The following WWOX variants were observed in gnomAD, a reference collection of about 807,000 sequenced individuals.
WWOX encodes the protein WW domain-containing oxidoreductase.
A neutral mutation model predicts 46.2 loss-of-function variants in WWOX; 69 were observed. That is an observed-to-expected ratio of 1.49 (90% CI 1.23 to 1.82). The LOEUF is 1.82. Among genes scored for constraint, WWOX ranks in the 40% most tolerant of loss-of-function variants. The pLI, the probability that WWOX is intolerant of heterozygous loss-of-function variation, is 0.00. For missense variants in WWOX, 919 were observed against 542.6 expected, an observed-to-expected ratio of 1.69 and a Z score of -6.89; for synonymous variants, 359 against 202.6, an observed-to-expected ratio of 1.77 and a Z score of -6.56.
intron 8 of WWOX, among the ~76,000 whole-genome samples, chr16:78,607,069 A>T (rs1380173635): frequency 6.6e-6 from 1 of 152,206 alleles, no homozygotes; most frequent in Non-Finnish European, 1.5e-5. Flanking sequence ...ATGGTGGCCA[A>T]GGGGCTGTGG....
intron 6 of WWOX, among the ~76,000 whole-genome samples, chr16:78,417,767 A>G (rs1178157141): frequency 1.3e-5 from 2 of 152,280 alleles, no homozygotes; most frequent in Non-Finnish European, 2.9e-5. Flanking sequence ...ATTTCTGCCT[A>G]TCTCTTCACA....
chr16:78,774,630 C>G (rs965679892), intron 8 of WWOX, among the ~76,000 whole-genome samples: 11 of 152,006 alleles, frequency 7.2e-5, no homozygotes, highest in African/African-American at 1.9e-4. Context: ...TGGCGTTGTT[C>G]TTAACCATGA....
At chr16:78,364,470 A>T (rs967506352) in intron 5 of WWOX, among the ~76,000 whole-genome samples, 3 of 26,218 alleles carry the variant, frequency 1.1e-4, no homozygotes, top group African/African-American at 1.3e-4. Flanking sequence ...GGTGCCCGGA[A>T]TATCTGATCT....
chr16:78,697,809 A>C (rs768821976), intron 8 of WWOX, among the ~76,000 whole-genome samples: 5 of 152,126 alleles, frequency 3.3e-5, no homozygotes, highest in Non-Finnish European at 5.9e-5. Flanking sequence ...TCCCATCCTA[A>C]GTTGAGGAGC....
Position 78,522,341 on chromosome 16 carries a change from A to G in WWOX, c.1056+89589A>G, listed in dbSNP as rs527669958. ...GCTTGCGGAACATTAAAGCACAACA[A>G]AAACCTAATTCTTTGAGTGTTTCTG... On this transcript the variant is annotated intron_variant, in intron 8 of 8. Transcript: ENST00000566780. Among the ~76,000 whole-genome samples, 30 of 152,254 alleles carry G rather than the reference A, an allele frequency of 2.0e-4. No individual in the cohort carries two copies. The South Asian group carries it at 6.2e-3, about 32-fold the overall frequency.
chr16:79,141,899 A>G (rs1297338563), intron 8 of WWOX, among the ~76,000 whole-genome samples: 2 of 151,954 alleles, frequency 1.3e-5, no homozygotes, highest in Non-Finnish European at 2.9e-5. Flanking sequence ...GGCGGGCCAG[A>G]AGGAAGCAGT....
At chr16:78,830,186 AGGAG>A (rs1341265293) in intron 8 of WWOX, among the ~76,000 whole-genome samples, 1 of 152,216 alleles carries the variant, frequency 6.6e-6, no homozygotes, top group Non-Finnish European at 1.5e-5. Flanking sequence ...AAGAAAGAAA[AGGAG>A]GGAGAGGATG....
chr16:78,216,650 TCTC>T (rs1354684112), intron 5 of WWOX, among the ~76,000 whole-genome samples: 1 of 152,058 alleles, frequency 6.6e-6, no homozygotes, highest in African/African-American at 2.4e-5. Flanking sequence ...CCAGGACTCT[TCTC>T]CTGCTTTTTT....
intron 6 of WWOX, among the ~76,000 whole-genome samples, chr16:78,420,228 A>G (rs1300845666): frequency 6.6e-6 from 1 of 152,162 alleles, no homozygotes; most frequent in Non-Finnish European, 1.5e-5. Flanking sequence ...AAAGTTAAAC[A>G]TTGAATTACC....
intron 8 of WWOX, among the ~76,000 whole-genome samples, chr16:78,474,727 C>G (rs1230728471): frequency 1.3e-5 from 2 of 152,102 alleles, no homozygotes; most frequent in East Asian, 3.9e-4. Flanking sequence ...TTTTACCTCC[C>G]ATTCTCCACT....
chr16:78,125,688 C>G (rs545938911), intron 4 of WWOX, among the ~76,000 whole-genome samples: 24 of 151,928 alleles, frequency 1.6e-4, no homozygotes, highest in Non-Finnish European at 2.9e-4. Context: ...ATAGCAAGAC[C>G]CCATCTCTAC....
rs974709151 is a variant in WWOX at position 78,112,760 on chromosome 16, C to T, written c.231-2216C>T. ...CTTATCCAGGGCTGAGGTGCAGTGA[C>T]ACAGTCACAGCTCGCTGCAGCCTCA... On this transcript the variant is annotated intron_variant, in intron 3 of 8. Coordinates refer to ENST00000566780, the MANE Select transcript of WWOX (RefSeq NM_016373.4). Among the ~76,000 whole-genome samples, 103 of 148,020 alleles carry T rather than the reference C, an allele frequency of 7.0e-4. 2 individuals carry two copies. The highest frequency in any genetic ancestry group is 1.0e-4 in the Non-Finnish European group (7 of 67,462).
chr16:78,144,450 C>CACACATATATATAT (rs1171090089), intron 4 of WWOX, among the ~76,000 whole-genome samples: 16 of 24,934 alleles, frequency 6.4e-4, no homozygotes, highest in Non-Finnish European at 1.0e-3. Context: ...TATATATACA[C>CACACATATATATAT]ATATATATAT....
intron 5 of WWOX, among the ~76,000 whole-genome samples, chr16:78,330,470 C>G (rs1238448244): frequency 2.0e-5 from 3 of 151,900 alleles, no homozygotes; most frequent in Admixed American, 2.0e-4. Context: ...GATCTCAGCT[C>G]ACTACAATCT....
intron 5 of WWOX, among the ~76,000 whole-genome samples, chr16:78,207,262 G>C (rs2151783246): frequency 6.6e-6 from 1 of 152,206 alleles, no homozygotes. Context: ...TATTTATGCT[G>C]TTTCCTCATT....
rs547970189 is a variant in WWOX, at chr16:78,636,986, C to G, written c.1056+204234C>G. ...TTCCCCTTGTCTGTGCAATTCCCAA[C>G]AGAGGCAAGTGCGCATTTGAGACAG... On this transcript the variant is annotated intron_variant, in intron 8 of 8. Coordinates refer to ENST00000566780, the MANE Select transcript of WWOX (RefSeq NM_016373.4). 2.0e-5 allele frequency among the ~76,000 whole-genome samples: 3 copies of G among 152,292 alleles called. No individual in the cohort carries two copies. In the East Asian group the frequency reaches 5.8e-4, roughly 29 times the overall value.
At chr16:78,773,808 T>G (rs1421467302) in intron 8 of WWOX, among the ~76,000 whole-genome samples, 11 of 152,164 alleles carry the variant, frequency 7.2e-5, no homozygotes, top group Admixed American at 7.2e-4. Flanking sequence ...AGGCAGTACT[T>G]TGCATGTGAG....
intron 8 of WWOX, among the ~76,000 whole-genome samples, chr16:78,937,560 G>T (rs1338389963): frequency 4.1e-5 from 6 of 145,930 alleles, no homozygotes; most frequent in Admixed American, 2.8e-4. Flanking sequence ...TTCCCAAAGT[G>T]CTGCGATTAC....
chr16:78,975,118 C>T (rs1456178958), intron 8 of WWOX, among the ~76,000 whole-genome samples: 1 of 152,114 alleles, frequency 6.6e-6, no homozygotes, highest in Non-Finnish European at 1.5e-5. Flanking sequence ...AATTGATTGC[C>T]ACCAATAAAA....
Sources: gnomAD v4.1 joint callset for allele counts (sites outside exome capture counted in the v4.1 genomes callset) on GRCh38, gnomAD v4.1.1 for gene constraint, MANE v1.5 for transcripts, NCBI Gene and HGNC (gene_info 2026-07-23, HGNC 2026-07-21) for gene names.